The following MAST2 variants were observed in gnomAD, a reference collection of about 807,000 sequenced individuals.
MAST2 encodes microtubule associated serine/threonine kinase 2, also known as microtubule-associated serine/threonine-protein kinase 2.
In MAST2, 70 loss-of-function variants were observed where a neutral mutation model predicts 147.4. That is an observed-to-expected ratio of 0.47 (90% CI 0.39 to 0.58). The LOEUF is 0.58. Ranked by LOEUF, MAST2 falls within the 20% of genes least tolerant of loss-of-function variation. The probability of loss-of-function intolerance (pLI) is 0.00; values close to 1 mark genes in which losing one functional copy is unlikely to be tolerated. For missense variants in MAST2, 2,080 were observed against 2,302.3 expected (o/e 0.90, Z 1.98); for synonymous variants, 869 against 896.8 (o/e 0.97, Z 0.55).
intron 5 of MAST2, among the ~76,000 whole-genome samples, chr1:45,963,277 G>A (rs1175376713): frequency 2.0e-5 from 3 of 152,218 alleles, no homozygotes; most frequent in Admixed American, 6.5e-5. Context: ...GAACTTTAAA[G>A]TAGTTTTTTC....
At chr1:46,006,591 T>G in intron 8 of MAST2, 196 bp downstream of exon 8, 1 of 417,752 alleles carries the variant, frequency 2.4e-6, no homozygotes, top group Non-Finnish European at 4.0e-6. Context: ...ATAAACTTTA[T>G]TTACAAAAGA....
At chr1:46,014,391 G>A (rs1174758338) in intron 10 of MAST2, among the ~76,000 whole-genome samples, 2 of 133,752 alleles carry the variant, frequency 1.5e-5, no homozygotes, top group East Asian at 4.4e-4. Context: ...TGTCCTCATT[G>A]TTCAATTCCC....
At chr1:45,859,102 T>A (rs1645892488) in intron 3 of MAST2, among the ~76,000 whole-genome samples, 1 of 152,210 alleles carries the variant, frequency 6.6e-6, no homozygotes, top group African/African-American at 2.4e-5. Context: ...GGCCCTTTTT[T>A]GGTTCCATAT....
intron 3 of MAST2, among the ~76,000 whole-genome samples, chr1:45,871,365 A>T (rs986932732): frequency 6.6e-6 from 1 of 151,934 alleles, no homozygotes; most frequent in Admixed American, 6.6e-5. Flanking sequence ...CCTCCCCCAA[A>T]CTTATTTGGC....
In MAST2 at chr1:45,917,284, T is replaced by G. The variant is rs1048715051; in HGVS notation, c.500+34889T>G. ...CAAGCCACTTTGAATATGTTTCTTT[T>G]TGGTTGAAAAGTTATCACTGACCTT... On this transcript the variant is annotated intron_variant, in intron 4 of 28. Transcript: ENST00000361297. 3.2e-6 allele frequency: 4 copies of G among 1,232,430 alleles called. No homozygotes were observed. The African/African-American group carries it at 6.2e-5, about 19-fold the overall frequency. 76.3% of individuals were successfully genotyped at this position (1,232,430 alleles called of 1,614,324 possible).
At chr1:45,935,937 G>A (rs1043362313) in intron 4 of MAST2, among the ~76,000 whole-genome samples, 15 of 152,142 alleles carry the variant, frequency 9.9e-5, no homozygotes, top group African/African-American at 3.4e-4. Context: ...GAAAAACGTC[G>A]TTGGTAGTTT....
At chr1:45,948,423 C>G (rs189444564) in intron 4 of MAST2, among the ~76,000 whole-genome samples, 304 of 151,940 alleles carry the variant, frequency 2.0e-3, no homozygotes, top group Non-Finnish European at 3.4e-3. Flanking sequence ...TTATATGGAA[C>G]CGGGCCGGGT....
Position 45,948,651 on chromosome 1 carries a change from G to A in MAST2, c.501-10735G>A, listed in dbSNP as rs539764276. Among the ~76,000 whole-genome samples, 5 of 133,618 alleles carry A rather than the reference G, an allele frequency of 3.7e-5. 1 individual carries two copies. Among genetic ancestry groups the A allele is most frequent in the African/African-American group, 1.4e-4 (5 of 35,382 alleles). 87.7% of individuals were successfully genotyped at this position (133,618 alleles called of 152,430 possible). On this transcript the variant is annotated intron_variant, in intron 4 of 28. Transcript: ENST00000361297. The stretch of plus-strand genomic sequence containing the variant: ...GAACCTGGGAGGTGAAGATTGGAGT[G>A]GACTGAGATCATGCCACTCCATTCC...
intron 4 of MAST2, among the ~76,000 whole-genome samples, 171 bp downstream of exon 4, chr1:45,882,566 A>G (rs183324098): frequency 1.0e-3 from 155 of 152,338 alleles, no homozygotes; most frequent in African/African-American, 3.7e-3. Context: ...CCACTAGGTC[A>G]GATCTTCCCC....
chr1:45,840,501 G>A (rs1255448184), intron 3 of MAST2, among the ~76,000 whole-genome samples: 1 of 152,088 alleles, frequency 6.6e-6, no homozygotes, highest in Non-Finnish European at 1.5e-5. Flanking sequence ...CCCTCTACAA[G>A]TCACTGAACC....
intron 5 of MAST2, among the ~76,000 whole-genome samples, chr1:45,987,719 C>G (rs1452340555): frequency 4.6e-5 from 6 of 131,258 alleles, no homozygotes; most frequent in African/African-American, 1.7e-4. Flanking sequence ...TCATTTGCTC[C>G]TCTTTTTTAA....
Position 46,027,855 on chromosome 1 carries a change from G to T in MAST2, c.2044G>T (p.Asp682Tyr). The change falls in exon 17 of 29, where the codon GAC (aspartate) becomes TAC (tyrosine). Residue 682 changes from aspartate to tyrosine, a missense_variant. Physicochemically the swap from Asp to Tyr is radical, Grantham distance 160. This residue lies in a region of MAST2 where 209 missense variants were observed against 309.5 expected (regional missense o/e 0.68). Coordinates refer to ENST00000361297, the MANE Select transcript of MAST2 (RefSeq NM_015112.3). ...HIEKDAREFL[D>Y]KQVCGTPEYI... ...TGAAAAGGATGCCCGGGAATTCCTG[G>T]ACAAGCAGGTAAGGAAGGGTAGTTG... 1 of 1,614,114 alleles carries T rather than the reference G, an allele frequency of 6.2e-7. No individual in the cohort carries two copies. The highest frequency in any genetic ancestry group is 8.5e-7 in the Non-Finnish European group (1 of 1,180,020).
At chr1:45,973,686 A>G (rs1430120119) in intron 5 of MAST2, among the ~76,000 whole-genome samples, 1 of 152,214 alleles carries the variant, frequency 6.6e-6, no homozygotes, top group Non-Finnish European at 1.5e-5. Flanking sequence ...CAGAGACCAA[A>G]AGAATGAGGA....
chr1:45,946,867 C>T (rs1658113044), intron 4 of MAST2, among the ~76,000 whole-genome samples: 1 of 152,130 alleles, frequency 6.6e-6, no homozygotes, highest in Admixed American at 6.5e-5. Flanking sequence ...TCATAGCAGA[C>T]CTGCTCCCCA....
intron 5 of MAST2, among the ~76,000 whole-genome samples, chr1:45,988,997 G>A (rs1644757411): frequency 6.6e-6 from 1 of 152,142 alleles, no homozygotes; most frequent in African/African-American, 2.4e-5. Flanking sequence ...CAAGATCTGG[G>A]TTCTAGGAAT....
At chr1:45,839,208 G>C (rs1645198900) in intron 3 of MAST2, among the ~76,000 whole-genome samples, 1 of 148,718 alleles carries the variant, frequency 6.7e-6, no homozygotes, top group Non-Finnish European at 1.5e-5. Flanking sequence ...AGCTCACTGC[G>C]ACCTCCGCCT....
At chr1:46,006,123 A>C in intron 7 of MAST2, 118 bp from the exon 8 acceptor site, 3 of 962,806 alleles carry the variant, frequency 3.1e-6, no homozygotes, top group Non-Finnish European at 4.7e-6. Context: ...AGGGGAAAGA[A>C]GACCTGCTTT....
rs139787602 is a variant in MAST2, at chr1:45,841,534, T to C, written c.468+11953T>C. On this transcript the variant is annotated intron_variant, in intron 3 of 28. Transcript: ENST00000361297. The stretch of plus-strand genomic sequence containing the variant: ...ATATGTAGCTGGGACCACAGGTGGA[T>C]GCCACCATGCCTGGCTAATTTTTTG... Among the ~76,000 whole-genome samples the C allele has an allele frequency of 1.3e-3, 193 of 152,216 alleles. 2 individuals carry two copies. In the East Asian group the frequency reaches 0.033, roughly 26 times the overall value.
At chr1:45,905,775 C>T (rs1029069650) in intron 4 of MAST2, among the ~76,000 whole-genome samples, 4 of 140,176 alleles carry the variant, frequency 2.9e-5, no homozygotes, top group Admixed American at 1.4e-4. Context: ...GACTCTGTCT[C>T]AAAAAAAAAA....
Sources: gnomAD v4.1 joint callset for allele counts (sites outside exome capture counted in the v4.1 genomes callset) on GRCh38, gnomAD v4.1.1 for gene constraint, gnomAD v4.1.1 regional missense constraint, MANE v1.5 for transcripts, NCBI Gene and HGNC (gene_info 2026-07-23, HGNC 2026-07-21) for gene names.